TRMT9B: variants seen among roughly 807,000 people sequenced by gnomAD.
The protein encoded by TRMT9B is tRNA methyltransferase 9B (putative).
In TRMT9B, 16 loss-of-function variants were observed where a neutral mutation model predicts 11.5. The observed-to-expected ratio is 1.39, with a 90% confidence interval of 0.94 to 2.11. The LOEUF (loss-of-function observed/expected upper bound fraction) is 2.11. Ranked by LOEUF, TRMT9B falls within the 30% of genes most tolerant of loss-of-function variation. TRMT9B has a pLI of 0.00. For missense variants in TRMT9B, 941 were observed against 553.8 expected (o/e 1.70, Z -7.02); for synonymous variants, 274 against 192.4 (o/e 1.42, Z -3.51).
chr8:13,001,206 C>T (rs1231030861), intron 2 of TRMT9B, among the ~76,000 whole-genome samples: 1 of 152,206 alleles, frequency 6.6e-6, no homozygotes, highest in Non-Finnish European at 1.5e-5. Context: ...TCACAACCAA[C>T]CACTTGTGGT....
chr8:12,980,160 C>T (rs994511254), intron 1 of TRMT9B, among the ~76,000 whole-genome samples: 16 of 152,242 alleles, frequency 1.1e-4, no homozygotes, highest in African/African-American at 3.6e-4. Flanking sequence ...GGAGGCCAGA[C>T]GTCCTAAATG....
chr8:12,990,917 A>G lies in TRMT9B; in HGVS notation c.-116A>G. 1 of 1,289,398 alleles carries G rather than the reference A, an allele frequency of 7.8e-7. No individual in the cohort carries two copies. The highest frequency in any genetic ancestry group is 1.0e-6 in the Non-Finnish European group (1 of 988,564). 79.9% of individuals were successfully genotyped at this position (1,289,398 alleles called of 1,614,324 possible). On this transcript the variant is annotated 5_prime_UTR_variant, in exon 2 of 5. Transcript: ENST00000524591. ...TTTCATTTCACTCCTACAAGTTTTC[A>G]TTTACGTTACACATTGAGAAAGTTA...
At position 12,986,490 on chromosome 8, in the gene TRMT9B, T is replaced by A. The variant is rs570466348; in HGVS notation, c.-199-4344T>A. Among the ~76,000 whole-genome samples the A allele has an allele frequency of 1.2e-4, 19 of 152,366 alleles. No homozygotes were observed. The East Asian group carries it at 3.7e-3, about 29-fold the overall frequency. ...ATACTGTAATATAAAATACAAGGCA[T>A]TGCTGACCATTATGACATTTCAAAA... On this transcript the variant is annotated intron_variant, in intron 1 of 4. Coordinates refer to ENST00000524591, the MANE Select transcript of TRMT9B (RefSeq NM_020844.3).
intron 3 of TRMT9B, chr8:13,006,662 CTTTTA>C: frequency 7.4e-7 from 1 of 1,349,396 alleles, no homozygotes; most frequent in Non-Finnish European, 9.5e-7. Flanking sequence ...CTTTCTCAAA[CTTTTA>C]TTTTATTTTT....
chr8:12,999,873 G>A (rs900836072), intron 2 of TRMT9B, among the ~76,000 whole-genome samples: 6 of 152,150 alleles, frequency 3.9e-5, no homozygotes, highest in East Asian at 1.9e-4. Flanking sequence ...AAAACTGTCC[G>A]GTTTTCTCTC....
At chr8:12,963,259 C>G (rs114912445) in intron 1 of TRMT9B, among the ~76,000 whole-genome samples, 1 of 151,996 alleles carries the variant, frequency 6.6e-6, no homozygotes, top group African/African-American at 2.4e-5. Flanking sequence ...AGTGAAACAC[C>G]GTCTCTACTT....
chr8:12,974,262 G>GGAGTGA (rs1218267787), intron 1 of TRMT9B, among the ~76,000 whole-genome samples: 67 of 152,026 alleles, frequency 4.4e-4, no homozygotes, highest in Non-Finnish European at 8.4e-4. Flanking sequence ...ATTAACTACT[G>GGAGTGA]AGTTGGGAGT....
intron 2 of TRMT9B, among the ~76,000 whole-genome samples, chr8:12,999,296 C>G (rs1218508137): frequency 9.6e-6 from 1 of 104,158 alleles, no homozygotes; most frequent in Non-Finnish European, 1.8e-5. Context: ...GAGACTCCAT[C>G]TCAAAAAAAA....
intron 1 of TRMT9B, among the ~76,000 whole-genome samples, chr8:12,947,961 C>T (rs1451554738): frequency 4.6e-5 from 7 of 152,280 alleles, no homozygotes; most frequent in Admixed American, 1.3e-4. Context: ...CATCTGTAGC[C>T]TTAAGAGGTG....
intron 1 of TRMT9B, among the ~76,000 whole-genome samples, chr8:12,950,661 C>T (rs751661987): frequency 9.9e-5 from 15 of 152,258 alleles, no homozygotes; most frequent in Non-Finnish European, 2.1e-4. Flanking sequence ...CCCCACTCCA[C>T]CCCACCCAAT....
In TRMT9B at chr8:13,016,377, TATATATAA is replaced by T. The variant is rs932907683; in HGVS notation, c.328+3534_328+3541del. Among the ~76,000 whole-genome samples the T allele has an allele frequency of 7.5e-5, 11 of 146,754 alleles. 1 individual carries two copies. Among genetic ancestry groups the T allele is most frequent in the African/African-American group, 2.7e-4 (11 of 40,566 alleles). On this transcript the variant is annotated intron_variant, in intron 4 of 4. Transcript: ENST00000524591. ...ATATAAGGACCTATATTATGAGAAA[TATATATAA>T]ATATATAAATATAAATAATATATAT...
chr8:13,020,529 T>A (rs910368988), intron 4 of TRMT9B, among the ~76,000 whole-genome samples: 1 of 152,230 alleles, frequency 6.6e-6, no homozygotes, highest in Non-Finnish European at 1.5e-5. Flanking sequence ...GAAACAATCT[T>A]TAACATATTT....
At chr8:13,007,359 A>T (rs79110503) in intron 3 of TRMT9B, 1 of 152,332 alleles carries the variant, frequency 6.6e-6, no homozygotes, top group African/African-American at 2.4e-5. Context: ...ACAGCTTAGT[A>T]GATCTAGGAC....
At chr8:12,951,100 G>A (rs935327431) in intron 1 of TRMT9B, among the ~76,000 whole-genome samples, 1 of 152,170 alleles carries the variant, frequency 6.6e-6, no homozygotes, top group Non-Finnish European at 1.5e-5. Context: ...AGCAATGGGG[G>A]GAGGAAAGGT....
At chr8:12,955,918 G>A (rs562443119) in intron 1 of TRMT9B, among the ~76,000 whole-genome samples, 10 of 152,192 alleles carry the variant, frequency 6.6e-5, no homozygotes, top group South Asian at 2.1e-4. Context: ...CAGAACCACC[G>A]CTAGAACTGC....
At chr8:13,013,804 G>C (rs1309477536) in intron 4 of TRMT9B, among the ~76,000 whole-genome samples, 1 of 152,002 alleles carries the variant, frequency 6.6e-6, no homozygotes, top group Non-Finnish European at 1.5e-5. Flanking sequence ...ACAAAAATTA[G>C]CCGGGCATGG....
At chr8:13,017,363 T>C (rs894720704) in intron 4 of TRMT9B, among the ~76,000 whole-genome samples, 1 of 152,134 alleles carries the variant, frequency 6.6e-6, no homozygotes. Flanking sequence ...CTACCTACTG[T>C]CTGGGCTCTC....
intron 1 of TRMT9B, among the ~76,000 whole-genome samples, chr8:12,962,507 T>G (rs1802262954): frequency 6.6e-6 from 1 of 152,156 alleles, no homozygotes; most frequent in South Asian, 2.1e-4. Flanking sequence ...TGTTTTTTGT[T>G]TTTGATAGGG....
chr8:12,983,665 G>A (rs539753071), intron 1 of TRMT9B, among the ~76,000 whole-genome samples: 15 of 152,152 alleles, frequency 9.9e-5, no homozygotes, highest in South Asian at 6.2e-4. Flanking sequence ...GCAAGACGCC[G>A]TCTCAAAATA....
Sources: allele counts gnomAD v4.1 joint callset (sites outside exome capture counted in the v4.1 genomes callset), GRCh38; gene constraint gnomAD v4.1.1; transcripts MANE v1.5; gene names NCBI Gene and HGNC (gene_info 2026-07-23, HGNC 2026-07-21).